PIWIL2: variants seen among roughly 807,000 people sequenced by gnomAD.
PIWIL2 encodes the protein piwi-like protein 2.
In PIWIL2, 81 loss-of-function variants were observed where a neutral mutation model predicts 116.5. The observed-to-expected ratio is 0.70, with a 90% CI of 0.58 to 0.84. The LOEUF (loss-of-function observed/expected upper bound fraction) is 0.84. Among genes scored for constraint, PIWIL2 ranks in the 40% least tolerant of loss-of-function variants. The pLI is 0.00. For synonymous variants in PIWIL2, 489 were observed against 429.5 expected, an observed-to-expected ratio of 1.14 and a Z score of -1.71; for missense variants, 1,272 against 1,212.3, an observed-to-expected ratio of 1.05 and a Z score of -0.73.
chr8:22,309,487 C>T (rs1026210697), intron 14 of PIWIL2, among the ~76,000 whole-genome samples: 16 of 151,298 alleles, frequency 1.1e-4, no homozygotes, highest in East Asian at 2.0e-4. Context: ...TACAGGCATG[C>T]GCCACCACAC....
intron 20 of PIWIL2, among the ~76,000 whole-genome samples, chr8:22,325,214 A>G (rs1035029531): frequency 1.3e-5 from 2 of 152,036 alleles, no homozygotes; most frequent in African/African-American, 4.8e-5. Flanking sequence ...TGCCCACTCC[A>G]CTTCCTTCGA....
In PIWIL2 at chr8:22,304,806, A is replaced by G. The variant is rs1200744689; in HGVS notation, c.1393A>G (p.Lys465Glu). Residue 465 changes from lysine to glutamate, a missense_variant, in exon 12 of 23, where the codon AAG (lysine) becomes GAG (glutamate). Physicochemically the swap from Lys to Glu is moderately conservative, Grantham distance 56. Transcript: ENST00000356766. ...TAGCAAAAATTATGGGATCACAGTT[A>G]AGGAAGAGGACCAGCCATTGCTGAT... ...YYSKNYGITVKEEDQPLLIHR... is the reference protein window; with the variant it reads ...YYSKNYGITVEEEDQPLLIHR... The G allele has an allele frequency of 6.2e-7, 1 of 1,613,352 alleles. No individual in the cohort carries two copies.
chr8:22,282,880 G>A (rs559302215), intron 4 of PIWIL2, among the ~76,000 whole-genome samples, 154 bp from the exon 5 acceptor site: 1 of 152,336 alleles, frequency 6.6e-6, no homozygotes, highest in African/African-American at 2.4e-5. Context: ...GTGAGCCACT[G>A]TGCCTGGCCT....
At chr8:22,282,801 G>A (rs1477596643) in intron 4 of PIWIL2, among the ~76,000 whole-genome samples, 1 of 152,036 alleles carries the variant, frequency 6.6e-6, no homozygotes, top group Non-Finnish European at 1.5e-5. Context: ...TATTGTTTAG[G>A]CTGGTCTTGA....
intron 1 of PIWIL2, among the ~76,000 whole-genome samples, chr8:22,278,410 C>T (rs1374277200): frequency 2.0e-5 from 3 of 152,144 alleles, no homozygotes; most frequent in African/African-American, 7.2e-5. Flanking sequence ...GTCCCAGCTA[C>T]TCAGGAGACT....
In PIWIL2 at chr8:22,275,336, T is replaced by G. The variant is rs1830333023; in HGVS notation, c.-109T>G. The G allele has an allele frequency of 7.0e-6, 1 of 142,814 alleles. No individual in the cohort carries two copies. Among genetic ancestry groups the G allele is most frequent in the Non-Finnish European group, 1.6e-5 (1 of 63,942 alleles). The allele number at this position is 142,814 out of a possible 1,614,324, so 8.8% of individuals were successfully genotyped here. On this transcript the variant is annotated 5_prime_UTR_variant, in exon 1 of 23. Coordinates refer to ENST00000356766, the MANE Select transcript of PIWIL2 (RefSeq NM_018068.5). ...AGCATGTGGGCCCCGGGGCGTGGGT[T>G]GAGCTCGGTCTTCCCCTGAGGCCGC...
intron 20 of PIWIL2, among the ~76,000 whole-genome samples, chr8:22,322,493 C>T (rs897481140): frequency 5.1e-4 from 77 of 152,012 alleles, no homozygotes; most frequent in African/African-American, 1.6e-3. Flanking sequence ...ATCTCAAACT[C>T]CTGGCCTCAA....
chr8:22,279,405 T>C lies in PIWIL2; in HGVS notation c.19T>C (p.Ser7Pro). 1 of 1,614,118 alleles carries C rather than the reference T, an allele frequency of 6.2e-7. No individual in the cohort carries two copies. Among genetic ancestry groups the C allele is most frequent in the Middle Eastern group, 1.6e-4 (1 of 6,062 alleles). Residue 7 changes from serine (S) to proline (P), a missense_variant, in exon 2 of 23, where the codon TCG becomes CCG. Coordinates refer to ENST00000356766, the MANE Select transcript of PIWIL2 (RefSeq NM_018068.5). MDPFRP[S>P]FRGQSPIHPS... is the part of the protein sequence containing the mutation. The stretch of plus-strand genomic sequence containing the variant: ...CCCGTCCATGGATCCTTTCCGACCA[T>C]CGTTCAGGGGCCAGTCTCCTATCCA...
intron 10 of PIWIL2, among the ~76,000 whole-genome samples, chr8:22,301,534 T>TC (rs1447918146): frequency 6.6e-6 from 1 of 151,914 alleles, no homozygotes; most frequent in South Asian, 2.1e-4. Flanking sequence ...GCTCAAGTGA[T>TC]CCCCCCGCCT....
chr8:22,346,923 C>T (rs1319179288), intron 20 of PIWIL2, among the ~76,000 whole-genome samples: 2 of 152,054 alleles, frequency 1.3e-5, no homozygotes, highest in East Asian at 3.9e-4. Context: ...TGGCTGTAAT[C>T]CCAACACTGG....
intron 2 of PIWIL2, among the ~76,000 whole-genome samples, chr8:22,280,886 T>A (rs952114652): frequency 6.6e-6 from 1 of 152,220 alleles, no homozygotes; most frequent in Non-Finnish European, 1.5e-5. Flanking sequence ...AATTCTGTTC[T>A]GTTGCATTTT....
At chr8:22,319,751 C>T (rs1254381113) in intron 20 of PIWIL2, among the ~76,000 whole-genome samples, 1 of 152,174 alleles carries the variant, frequency 6.6e-6, no homozygotes, top group Admixed American at 6.5e-5. Flanking sequence ...GATTCAAAGC[C>T]TGAATGTTCC....
chr8:22,278,799 G>A (rs1001266262), intron 1 of PIWIL2, among the ~76,000 whole-genome samples: 1 of 152,080 alleles, frequency 6.6e-6, no homozygotes, highest in Non-Finnish European at 1.5e-5. Context: ...ATCACTGGTG[G>A]CATTAGATTC....
chr8:22,287,577 C>T lies in PIWIL2; in HGVS notation c.793C>T (p.Gln265Ter). Residue 265 changes from glutamine to a stop codon, truncating the protein, a stop_gained, in exon 7 of 23, where the codon CAA becomes TAA. Coordinates refer to ENST00000356766, the MANE Select transcript of PIWIL2 (RefSeq NM_018068.5). LOFTEE classifies it high-confidence loss of function. The part of the protein sequence containing the change: ...SMRFGMLKDH[Q>*]AVTGNVTAFD... Reference sequence around the variant, plus strand: ...GAGGTTCGGCATGTTGAAGGACCATCAAGCTGTCACCGGCAACGTCACTGC... The same window carrying T: ...GAGGTTCGGCATGTTGAAGGACCATTAAGCTGTCACCGGCAACGTCACTGC... 1 of 1,613,968 alleles carries T rather than the reference C, an allele frequency of 6.2e-7. No individual in the cohort carries two copies.
chr8:22,299,066 AT>A (rs1265649412), intron 10 of PIWIL2, among the ~76,000 whole-genome samples: 1 of 152,052 alleles, frequency 6.6e-6, no homozygotes, highest in Non-Finnish European at 1.5e-5. Context: ...GTTTGTGGGA[AT>A]TTTATTTTAT....
chr8:22,311,139 T>C lies in PIWIL2; in HGVS notation c.1828T>C (p.Tyr610His). ...TIPMHFWALFYPKRAMDQARE... is the reference protein window; with the variant it reads ...TIPMHFWALFHPKRAMDQARE... ...CCCCATGCATTTCTGGGCACTTTTT[T>C]ACCCAAAGAGAGCAATGGACCAGGC... Residue 610 changes from tyrosine (Y) to histidine (H), a missense_variant, in exon 16 of 23, where the codon TAC becomes CAC. Transcript: ENST00000356766. The C allele has an allele frequency of 1.2e-6, 2 of 1,612,332 alleles. No homozygotes were observed. Among genetic ancestry groups the C allele is most frequent in the Non-Finnish European group, 1.7e-6 (2 of 1,179,566 alleles).
chr8:22,296,348 T>A (rs921917131), intron 10 of PIWIL2, among the ~76,000 whole-genome samples: 1 of 152,180 alleles, frequency 6.6e-6, no homozygotes, highest in African/African-American at 2.4e-5. Flanking sequence ...CCTGGCCCCC[T>A]CTTCCCTTCT....
Position 22,290,065 on chromosome 8 carries a change from G to A in PIWIL2, c.1067+138G>A, listed in dbSNP as rs914495909. 1.2e-4 allele frequency: 91 copies of A among 735,036 alleles called. 1 individual carries two copies. The South Asian group carries it at 1.6e-3, about 13-fold the overall frequency. 45.5% of individuals were successfully genotyped at this position (735,036 alleles called of 1,614,324 possible). ...GTTTATCAATTAAATCTCTTCCTTAGTTTGGTTTTTCAGTAAGTTTGCAAT... is the reference window on the plus strand; with the variant it reads ...GTTTATCAATTAAATCTCTTCCTTAATTTGGTTTTTCAGTAAGTTTGCAAT... On this transcript the variant is annotated intron_variant, in intron 9 of 22. Coordinates refer to ENST00000356766, the MANE Select transcript of PIWIL2 (RefSeq NM_018068.5).
intron 1 of PIWIL2, among the ~76,000 whole-genome samples, chr8:22,278,424 A>AC (rs1203388633): frequency 2.0e-5 from 3 of 151,968 alleles, no homozygotes; most frequent in Admixed American, 6.6e-5. Context: ...GGAGACTGAG[A>AC]TGTGAGGGTC....
Sources: gnomAD v4.1 joint callset for allele counts (sites outside exome capture counted in the v4.1 genomes callset) on GRCh38, gnomAD v4.1.1 for gene constraint, MANE v1.5 for transcripts, NCBI Gene and HGNC (gene_info 2026-07-23, HGNC 2026-07-21) for gene names.